The following ALDH9A1 variants were observed in gnomAD, a reference collection of about 807,000 sequenced individuals.
ALDH9A1 encodes aldehyde dehydrogenase 9 family member A1, also known as 4-trimethylaminobutyraldehyde dehydrogenase.
ALDH9A1 carries 42 observed loss-of-function variants against 56.6 expected under a neutral mutation model. The observed-to-expected ratio is 0.74, with a 90% CI of 0.58 to 0.96. ALDH9A1 has a LOEUF of 0.96. Ranked by LOEUF, ALDH9A1 falls within the 40% of genes least tolerant of loss-of-function variation. ALDH9A1 has a pLI of 0.00. For synonymous variants in ALDH9A1, 242 were observed against 236.0 expected, an observed-to-expected ratio of 1.03 and a Z score of -0.23; for missense variants, 661 against 651.5, an observed-to-expected ratio of 1.01 and a Z score of -0.16.
At chr1:165,669,488 T>TA (rs1006620235) in intron 6 of ALDH9A1, 38 bp from the exon 7 acceptor site, 2 of 1,518,424 alleles carry the variant, frequency 1.3e-6, no homozygotes, top group Non-Finnish European at 1.8e-6. Context: ...TCTATGTGTG[T>TA]AAGGAGAAAA....
chr1:165,683,072 G>A lies in ALDH9A1; in HGVS notation c.366C>T (p.Asn122=), dbSNP rs778453365. The A allele has an allele frequency of 9.9e-6, 16 of 1,613,928 alleles. No individual in the cohort carries two copies. The East Asian group carries it at 3.6e-4, about 36-fold the overall frequency. ...EDEIATMECI[N]NGKSIFEARL... Reference sequence around the variant, plus strand: ...GGGCCTCAAAGATGGACTTGCCATTGTTGATGCACTCCATAGTAGCAATTT... The same window carrying A: ...GGGCCTCAAAGATGGACTTGCCATTATTGATGCACTCCATAGTAGCAATTT... The change falls in exon 3 of 11, where the codon AAC becomes AAT. Residue 122 remains asparagine (N), a synonymous_variant. Transcript: ENST00000354775.
intron 2 of ALDH9A1, among the ~76,000 whole-genome samples, chr1:165,690,595 T>C (rs1649857098): frequency 6.6e-6 from 1 of 152,172 alleles, no homozygotes; most frequent in South Asian, 2.1e-4. Flanking sequence ...GGTCAGGGAA[T>C]TCCCTTTCCT....
chr1:165,663,025 T>C lies in ALDH9A1; in HGVS notation c.*25A>G, dbSNP rs759790607. ...TTCACATCATTCCACAGCGTGGCCA[T>C]GTCAATAGGTTTCACTGCAGGTTTT... On this transcript the variant is annotated 3_prime_UTR_variant, in exon 11 of 11. Transcript: ENST00000354775. 2.0e-5 allele frequency: 32 copies of C among 1,597,546 alleles called. No individual in the cohort carries two copies. The highest frequency in any genetic ancestry group is 4.0e-5 in the African/African-American group (3 of 74,542).
intron 2 of ALDH9A1, among the ~76,000 whole-genome samples, chr1:165,684,802 A>G (rs186361765): frequency 6.6e-6 from 1 of 152,336 alleles, no homozygotes; most frequent in African/African-American, 2.4e-5. Flanking sequence ...CTGTGATTCT[A>G]TCGCTGCTAA....
chr1:165,664,535 T>C (rs1052603598), intron 10 of ALDH9A1, among the ~76,000 whole-genome samples: 1 of 152,162 alleles, frequency 6.6e-6, no homozygotes, highest in Admixed American at 6.5e-5. Flanking sequence ...ACGATTATAA[T>C]TGATTGCTTA....
chr1:165,685,436 C>G (rs1026690060), intron 2 of ALDH9A1, among the ~76,000 whole-genome samples: 19 of 152,210 alleles, frequency 1.2e-4, no homozygotes, highest in African/African-American at 4.6e-4. Flanking sequence ...ATATACATCT[C>G]AAGATGCTTT....
intron 2 of ALDH9A1, among the ~76,000 whole-genome samples, chr1:165,689,411 C>T (rs1649811579): frequency 6.6e-6 from 1 of 152,346 alleles, no homozygotes; most frequent in South Asian, 2.1e-4. Context: ...GGATAATAAA[C>T]TTAGTGATAC....
chr1:165,681,404 G>A (rs1344580728), intron 4 of ALDH9A1, among the ~76,000 whole-genome samples: 2 of 152,178 alleles, frequency 1.3e-5, no homozygotes, highest in African/African-American at 4.8e-5. Flanking sequence ...CAAAGCTAGT[G>A]ACTTAATTCT....
chr1:165,691,407 G>A (rs1284960389), intron 2 of ALDH9A1, among the ~76,000 whole-genome samples: 1 of 152,196 alleles, frequency 6.6e-6, no homozygotes, highest in African/African-American at 2.4e-5. Context: ...ACCAAAGGTA[G>A]ATAAAACCAC....
chr1:165,682,801 T>C, intron 3 of ALDH9A1, 180 bp downstream of exon 3: 1 of 648,220 alleles, frequency 1.5e-6, no homozygotes, highest in South Asian at 2.5e-5. Context: ...AAGGTAGGAA[T>C]TATTATCTCC....
chr1:165,693,546 A>AT (rs1168346540), intron 2 of ALDH9A1, among the ~76,000 whole-genome samples: 2 of 152,244 alleles, frequency 1.3e-5, no homozygotes, highest in Non-Finnish European at 2.9e-5. Context: ...AATGGCAATC[A>AT]TTAAAAAGTC....
chr1:165,677,607 C>T (rs1270977397), intron 6 of ALDH9A1, among the ~76,000 whole-genome samples: 1 of 152,054 alleles, frequency 6.6e-6, no homozygotes, highest in Non-Finnish European at 1.5e-5. Context: ...GCCTGTAATC[C>T]CAGCACTTTG....
At chr1:165,672,096 C>T (rs1649195521) in intron 6 of ALDH9A1, among the ~76,000 whole-genome samples, 1 of 152,244 alleles carries the variant, frequency 6.6e-6, no homozygotes. Context: ...ATATGATCCA[C>T]TTATTCCACT....
chr1:165,667,535 C>G, intron 8 of ALDH9A1, 85 bp from the exon 9 acceptor site: 1 of 1,472,688 alleles, frequency 6.8e-7, no homozygotes, highest in Non-Finnish European at 9.2e-7. Flanking sequence ...AAGATCGGGT[C>G]TCACTATGTT....
At chr1:165,696,868 T>C (rs1330833503) in intron 1 of ALDH9A1, among the ~76,000 whole-genome samples, 1 of 152,220 alleles carries the variant, frequency 6.6e-6, no homozygotes. Context: ...GAGCAATTTT[T>C]CTTTCTTTTG....
chr1:165,690,719 C>T (rs960962221), intron 2 of ALDH9A1, among the ~76,000 whole-genome samples: 2 of 152,320 alleles, frequency 1.3e-5, no homozygotes, highest in African/African-American at 4.8e-5. Context: ...TATCCTGCAG[C>T]TGGCTCGGCG....
At chr1:165,673,345 G>A (rs995787388) in intron 6 of ALDH9A1, among the ~76,000 whole-genome samples, 33 of 152,178 alleles carry the variant, frequency 2.2e-4, no homozygotes, top group African/African-American at 3.4e-4. Context: ...TTGGTATACT[G>A]CTGGTGAGAA....
chr1:165,663,588 T>C (rs1241562620), intron 10 of ALDH9A1, among the ~76,000 whole-genome samples: 2 of 152,232 alleles, frequency 1.3e-5, no homozygotes, highest in Non-Finnish European at 2.9e-5. Flanking sequence ...CCCACTCATG[T>C]TGGTGAGGGG....
chr1:165,684,127 CAAGA>C (rs144837042), intron 2 of ALDH9A1, among the ~76,000 whole-genome samples: 2,510 of 152,232 alleles, frequency 0.016, 69 homozygotes, highest in African/African-American at 0.057. Context: ...ATATGAAATA[CAAGA>C]AAGGACAGTT....
Sources: allele counts gnomAD v4.1 joint callset (sites outside exome capture counted in the v4.1 genomes callset), GRCh38; gene constraint gnomAD v4.1.1; transcripts MANE v1.5; gene names NCBI Gene and HGNC (gene_info 2026-07-23, HGNC 2026-07-21).